The following PFKFB3 variants were observed in gnomAD, a reference collection of about 807,000 sequenced individuals.
PFKFB3 encodes the protein 6-phosphofructo-2-kinase/fructose-2,6-bisphosphatase 3.
PFKFB3 carries 33 observed loss-of-function variants against 68.0 expected under a neutral mutation model. The observed-to-expected ratio is 0.49, with a 90% CI of 0.37 to 0.65. The LOEUF (loss-of-function observed/expected upper bound fraction) is 0.65. PFKFB3 is among the 30% of genes least tolerant of loss of function. The pLI, the probability that PFKFB3 is intolerant of heterozygous loss-of-function variation, is 0.00. For synonymous variants in PFKFB3, 315 were observed against 288.2 expected (o/e 1.09, Z -0.94); for missense variants, 586 against 712.2 (o/e 0.82, Z 2.02).
chr10:6,200,031 CAAACCAACA>C (rs76937094), upstream of PFKFB3, among the ~76,000 whole-genome samples: 20,543 of 151,552 alleles, frequency 0.14, 1,435 homozygotes, highest in African/African-American at 0.17. Flanking sequence ...AAAACAAAAA[CAAACCAACA>C]AAACCAACAA....
chr10:6,213,512 G>C, intron 1 of PFKFB3, 111 bp from the exon 2 acceptor site: 1 of 1,324,170 alleles, frequency 7.6e-7, no homozygotes, highest in Non-Finnish European at 1.0e-6. Context: ...GTGAGACCCT[G>C]TCTCAAAAAC....
the PFKFB3 span, among the ~76,000 whole-genome samples, chr10:6,306,059 G>A: frequency 2.0e-5 from 3 of 152,180 alleles, no homozygotes; most frequent in African/African-American, 4.8e-5. Context: ...GTCTTGCTAT[G>A]TTGCCCAGGC....
chr10:6,155,776 T>C (rs996596354), intron 1 of PFKFB3, among the ~76,000 whole-genome samples: 2 of 152,178 alleles, frequency 1.3e-5, no homozygotes, highest in Admixed American at 6.5e-5. Flanking sequence ...CTAACCCTCG[T>C]GCCACAGGCT....
chr10:6,297,218 C>T, the PFKFB3 span, among the ~76,000 whole-genome samples: 1 of 152,184 alleles, frequency 6.6e-6, no homozygotes, highest in Non-Finnish European at 1.5e-5. Context: ...AGCCCAGGGT[C>T]CCCCGGCCCC....
chr10:6,145,423 G>T (rs1841352077), intron 1 of PFKFB3, among the ~76,000 whole-genome samples: 1 of 152,152 alleles, frequency 6.6e-6, no homozygotes, highest in African/African-American at 2.4e-5. Context: ...TGCCCGAGCC[G>T]GGGGCGGCAC....
At chr10:6,171,014 CTT>C (rs1284573724) in intron 1 of PFKFB3, among the ~76,000 whole-genome samples, 5 of 151,840 alleles carry the variant, frequency 3.3e-5, no homozygotes, top group African/African-American at 1.2e-4. Flanking sequence ...ATTACAAAGT[CTT>C]TCTTCTCTAT....
Position 6,223,949 on chromosome 10 carries a change from C to T in PFKFB3, c.1214-9C>T, listed in dbSNP as rs932290245. On this transcript the variant is annotated splice_polypyrimidine_tract_variant and intron_variant, in intron 11 of 14. Coordinates refer to ENST00000379775, the MANE Select transcript of PFKFB3 (RefSeq NM_004566.4). ...ATTTCTAACTGTGGGTGTACAATTT[C>T]AATTTCAGAGGAGATGCCCTACCTG... 7 of 1,613,142 alleles carry T rather than the reference C, an allele frequency of 4.3e-6. No homozygotes were observed. Among genetic ancestry groups the T allele is most frequent in the Non-Finnish European group, 5.9e-6 (7 of 1,179,110 alleles).
intron 1 of PFKFB3, chr10:6,163,789 C>G (rs1280000423): frequency 6.6e-6 from 1 of 151,764 alleles, no homozygotes; most frequent in African/African-American, 2.4e-5. Flanking sequence ...CTTCCCGGGC[C>G]GTGCGGCACG....
chr10:6,177,486 T>TTCTTTC (rs1189108298), intron 1 of PFKFB3, among the ~76,000 whole-genome samples: 2 of 132,150 alleles, frequency 1.5e-5, no homozygotes, highest in African/African-American at 2.8e-5. Flanking sequence ...CTTTCTTTCT[T>TTCTTTC]TTTCTTTTCT....
Position 6,203,042 on chromosome 10 carries a change from T to A in PFKFB3, c.-219T>A. The A allele has an allele frequency of 7.3e-7, 1 of 1,379,178 alleles. No individual in the cohort carries two copies. The highest frequency in any genetic ancestry group is 1.6e-5 in the South Asian group (1 of 61,732). The allele number at this position is 1,379,178 out of a possible 1,614,324, so 85.4% of individuals were successfully genotyped here. On this transcript the variant is annotated 5_prime_UTR_variant, in exon 1 of 15. Transcript: ENST00000379775. ...GCGGACGAGCCGGCCGTGCCGGGCA[T>A]CCCCAGCCTCGCTACCCTCGCAGCA...
chr10:6,190,280 C>T (rs890291119), intron 1 of PFKFB3, among the ~76,000 whole-genome samples: 2 of 152,224 alleles, frequency 1.3e-5, no homozygotes, highest in Admixed American at 6.5e-5. Flanking sequence ...TCCACCCACT[C>T]GGTGATTCTT....
chr10:6,304,226 T>C, the PFKFB3 span, among the ~76,000 whole-genome samples: 1 of 152,146 alleles, frequency 6.6e-6, no homozygotes, highest in African/African-American at 2.4e-5. Context: ...AAGCTCCCTT[T>C]TATTTTCTCT....
At chr10:6,203,378 G>A (rs1843466029) in intron 1 of PFKFB3, 42 bp downstream of exon 1, 2 of 1,499,252 alleles carry the variant, frequency 1.3e-6, no homozygotes, top group Non-Finnish European at 1.8e-6. Context: ...GGCGGGCTGC[G>A]CCGGGCCGGG....
At chr10:6,315,413 C>T in the PFKFB3 span, among the ~76,000 whole-genome samples, 2 of 152,162 alleles carry the variant, frequency 1.3e-5, no homozygotes, top group Non-Finnish European at 2.9e-5. Flanking sequence ...TATAGAATGT[C>T]CCACATTCTA....
chr10:6,225,539 A>G (rs570381150), intron 13 of PFKFB3, among the ~76,000 whole-genome samples: 140 of 152,358 alleles, frequency 9.2e-4, no homozygotes, highest in African/African-American at 3.2e-3. Context: ...GGGCAGGGCC[A>G]TGATGGAGAC....
At chr10:6,277,370 ACCAACACGCCCAG>A in the PFKFB3 span, among the ~76,000 whole-genome samples, 1 of 150,978 alleles carries the variant, frequency 6.6e-6, no homozygotes, top group Non-Finnish European at 1.5e-5. Flanking sequence ...ACAGGTGCAC[ACCAACACGCCCAG>A]CTAATTTTTG....
intron 1 of PFKFB3, among the ~76,000 whole-genome samples, chr10:6,178,007 T>G (rs1305029230): frequency 6.6e-6 from 1 of 152,060 alleles, no homozygotes; most frequent in African/African-American, 2.4e-5. Flanking sequence ...AGGGTGGCTG[T>G]CAAGAGGGTG....
chr10:6,216,272 C>T (rs559720198), intron 4 of PFKFB3, 81 bp downstream of exon 4: 14 of 1,304,384 alleles, frequency 1.1e-5, no homozygotes, highest in South Asian at 4.7e-5. Context: ...GTACCGAGAC[C>T]TGTGCCTCTG....
chr10:6,204,493 C>G (rs633835), intron 1 of PFKFB3, among the ~76,000 whole-genome samples: 30,849 of 152,278 alleles, frequency 0.2, 3,849 homozygotes, highest in East Asian at 0.4. Flanking sequence ...TCACCGGCCT[C>G]GTCCAGACCT....
Sources: gnomAD v4.1 joint callset for allele counts (sites outside exome capture counted in the v4.1 genomes callset) on GRCh38, gnomAD v4.1.1 for gene constraint, MANE v1.5 for transcripts, NCBI Gene and HGNC (gene_info 2026-07-23, HGNC 2026-07-21) for gene names.